Variants in RAP1A observed in about 807,000 individuals in gnomAD.
RAP1A encodes the protein ras-related protein Rap-1A.
Under a neutral mutation model 26.4 loss-of-function variants are expected in RAP1A, and 6 were observed. That is an observed-to-expected ratio of 0.23 (90% CI 0.12 to 0.45). The LOEUF is 0.45. RAP1A is among the 20% of genes least tolerant of loss of function. The probability of loss-of-function intolerance (pLI) is 0.99; values close to 1 mark genes in which losing one functional copy is unlikely to be tolerated. For synonymous variants in RAP1A, 73 were observed against 79.4 expected (o/e 0.92, Z 0.43); for missense variants, 121 against 217.2 (o/e 0.56, Z 2.78).
At chr1:111,565,348 GC>G (rs2101052082) in intron 1 of RAP1A, among the ~76,000 whole-genome samples, 1 of 152,280 alleles carries the variant, frequency 6.6e-6, no homozygotes, top group Admixed American at 6.5e-5. Context: ...ATTATTTTAG[GC>G]CAGAATTGTT....
chr1:111,622,441 T>C lies in RAP1A; in HGVS notation c.-28+2507T>C, dbSNP rs1205878767. On this transcript the variant is annotated intron_variant, in intron 1 of 7. Transcript: ENST00000369709. The stretch of plus-strand genomic sequence containing the variant: ...ACTGAGGTGTCTGCACTTAATGTCC[T>C]CTCTGCCTGTAACCTTTTTCCCCAA... Among the ~76,000 whole-genome samples, 4 of 152,350 alleles carry C rather than the reference T, an allele frequency of 2.6e-5. No individual in the cohort carries two copies. The East Asian group carries it at 7.7e-4, about 29-fold the overall frequency.
At chr1:111,622,604 C>T (rs1442523593) in intron 1 of RAP1A, among the ~76,000 whole-genome samples, 1 of 152,238 alleles carries the variant, frequency 6.6e-6, no homozygotes, top group Non-Finnish European at 1.5e-5. Context: ...TTGACAGCCA[C>T]AGTTGTTGAC....
chr1:111,705,260 T>C lies in RAP1A; in HGVS notation c.468+774T>C, dbSNP rs185896108. ...ATAAAAACAACAGAGTGGGCTTCTT[T>C]CCTGCCGTTGCTTTTGCCATTTGTA... On this transcript the variant is annotated intron_variant, in intron 6 of 7. Transcript: ENST00000369709. Among the ~76,000 whole-genome samples the C allele has an allele frequency of 1.8e-3, 273 of 152,314 alleles. 3 individuals are homozygous for C. The highest frequency in any genetic ancestry group is 5.7e-3 in the African/African-American group (238 of 41,560).
chr1:111,629,451 G>T (rs1170397900), intron 1 of RAP1A, among the ~76,000 whole-genome samples: 2 of 152,190 alleles, frequency 1.3e-5, no homozygotes, highest in East Asian at 3.9e-4. Flanking sequence ...ACTGTGAATT[G>T]TCTGCTCGGT....
In RAP1A at chr1:111,678,742, G is replaced by A. The variant is rs572564960; in HGVS notation, c.-27-12592G>A. On this transcript the variant is annotated intron_variant, in intron 1 of 7. Transcript: ENST00000369709. ...CTGTTGACTGAAATGTCATTATGCA[G>A]CACATGACTGTTCAGGTGGGTTTTT... Among the ~76,000 whole-genome samples the A allele has an allele frequency of 1.9e-4, 29 of 150,420 alleles. No individual in the cohort carries two copies. The South Asian group carries it at 5.0e-3, about 26-fold the overall frequency.
chr1:111,577,932 T>G (rs1658178080), intron 1 of RAP1A, among the ~76,000 whole-genome samples: 1 of 152,162 alleles, frequency 6.6e-6, no homozygotes, highest in South Asian at 2.1e-4. Context: ...ATCTCCTGTA[T>G]GTCAACTAAA....
chr1:111,690,630 T>C (rs948036790), intron 1 of RAP1A, among the ~76,000 whole-genome samples: 3 of 152,266 alleles, frequency 2.0e-5, no homozygotes, highest in Non-Finnish European at 4.4e-5. Context: ...TTCTGGCTGT[T>C]ATTGTGGGTT....
intron 1 of RAP1A, among the ~76,000 whole-genome samples, chr1:111,652,684 G>T (rs1004303537): frequency 6.6e-6 from 1 of 151,968 alleles, no homozygotes; most frequent in Admixed American, 6.5e-5. Flanking sequence ...ATACACACTA[G>T]GAAGGCTGTA....
At chr1:111,642,972 G>A (rs561663271) in intron 1 of RAP1A, among the ~76,000 whole-genome samples, 4 of 151,272 alleles carry the variant, frequency 2.6e-5, no homozygotes, top group African/African-American at 7.3e-5. Flanking sequence ...GGGTTTCACC[G>A]TGTTGGTCAG....
At chr1:111,574,980 GA>G (rs1318402475) in intron 1 of RAP1A, among the ~76,000 whole-genome samples, 1 of 152,192 alleles carries the variant, frequency 6.6e-6, no homozygotes, top group Non-Finnish European at 1.5e-5. Flanking sequence ...TGTTTTATGA[GA>G]GAAGGAATAA....
At chr1:111,556,235 T>C (rs183349589) in intron 1 of RAP1A, among the ~76,000 whole-genome samples, 59 of 152,288 alleles carry the variant, frequency 3.9e-4, no homozygotes, top group Middle Eastern at 3.4e-3. Flanking sequence ...TTTACACTTA[T>C]AAGTATGGCT....
intron 1 of RAP1A, among the ~76,000 whole-genome samples, chr1:111,598,025 A>G (rs1658592419): frequency 6.6e-6 from 1 of 152,212 alleles, no homozygotes. Flanking sequence ...TTTCACATAT[A>G]TTATTTCATT....
intron 1 of RAP1A, among the ~76,000 whole-genome samples, chr1:111,554,136 A>G (rs1242564033): frequency 1.3e-5 from 2 of 152,248 alleles, no homozygotes; most frequent in Non-Finnish European, 2.9e-5. Context: ...CCTATGCCTC[A>G]GTTTCTCCAT....
At chr1:111,619,756 T>A (rs1474162080), upstream of RAP1A, 3 of 394,856 alleles carry the variant, frequency 7.6e-6, no homozygotes, top group Non-Finnish European at 1.3e-5. Flanking sequence ...GGGGCCTGCG[T>A]GGTGCGTGCG....
intron 1 of RAP1A, among the ~76,000 whole-genome samples, chr1:111,611,964 A>G (rs1658933096): frequency 6.6e-6 from 1 of 151,810 alleles, no homozygotes; most frequent in Non-Finnish European, 1.5e-5. Context: ...CTGTAAATTC[A>G]GATATCCATA....
chr1:111,649,413 A>G, intron 1 of RAP1A: 1 of 367,376 alleles, frequency 2.7e-6, no homozygotes, highest in Non-Finnish European at 5.3e-6. Context: ...AAGCTGGTGG[A>G]GTGGGACACG....
At chr1:111,710,285 AC>A in intron 7 of RAP1A, among the ~76,000 whole-genome samples, 1 of 152,310 alleles carries the variant, frequency 6.6e-6, no homozygotes, top group East Asian at 1.9e-4. Flanking sequence ...AGTTGACTTT[AC>A]CATTTTAGTT....
At chr1:111,568,299 G>A (rs1458789856) in intron 1 of RAP1A, among the ~76,000 whole-genome samples, 2 of 152,198 alleles carry the variant, frequency 1.3e-5, no homozygotes, top group East Asian at 3.8e-4. Flanking sequence ...CTTCTAGTGA[G>A]GCCTCAGGGA....
At chr1:111,552,015 C>T (rs1008452380) in intron 1 of RAP1A, among the ~76,000 whole-genome samples, 2 of 152,244 alleles carry the variant, frequency 1.3e-5, no homozygotes, top group Admixed American at 6.5e-5. Context: ...CAAAGCATCT[C>T]ATTTAGGCTT....
Sources: allele counts gnomAD v4.1 joint callset (sites outside exome capture counted in the v4.1 genomes callset), GRCh38; gene constraint gnomAD v4.1.1; transcripts MANE v1.5; gene names NCBI Gene and HGNC (gene_info 2026-07-23, HGNC 2026-07-21).